SLIT3: variants seen among roughly 807,000 people sequenced by gnomAD.
SLIT3 encodes slit homolog 3 protein.
In SLIT3, 68 loss-of-function variants were observed where a neutral mutation model predicts 184.0. The ratio of observed to expected loss-of-function variants is 0.37; its 90% confidence interval spans 0.30 to 0.45. SLIT3 has a LOEUF of 0.45. Among genes scored for constraint, SLIT3 ranks in the 20% least tolerant of loss-of-function variants. The pLI is 1.00. For missense variants in SLIT3, 1,707 were observed against 2,026.0 expected, an observed-to-expected ratio of 0.84 and a Z score of 3.02; for synonymous variants, 831 against 828.6, an observed-to-expected ratio of 1.00 and a Z score of -0.05.
At chr5:169,286,771 C>A (rs2113653603) in intron 1 of SLIT3, among the ~76,000 whole-genome samples, 1 of 152,354 alleles carries the variant, frequency 6.6e-6, no homozygotes, top group South Asian at 2.1e-4. Flanking sequence ...TCACATTTGG[C>A]AAGAGGTGCT....
intron 18 of SLIT3, among the ~76,000 whole-genome samples, chr5:168,751,809 G>A (rs902439172): frequency 2.6e-5 from 4 of 151,104 alleles, no homozygotes; most frequent in Non-Finnish European, 5.9e-5. Context: ...ACAATCTCGA[G>A]TCACTGCAAC....
chr5:168,831,485 T>C (rs1396969022), intron 6 of SLIT3, among the ~76,000 whole-genome samples: 1 of 152,210 alleles, frequency 6.6e-6, no homozygotes, highest in East Asian at 1.9e-4. Flanking sequence ...CAACTGATGC[T>C]GCACTGATTA....
chr5:168,764,724 T>G (rs1470827041), intron 14 of SLIT3, among the ~76,000 whole-genome samples: 3 of 152,126 alleles, frequency 2.0e-5, no homozygotes, highest in Non-Finnish European at 4.4e-5. Flanking sequence ...TTCTCTGCTC[T>G]CTCTCCATTT....
intron 4 of SLIT3, among the ~76,000 whole-genome samples, chr5:168,957,151 C>A (rs1482297623): frequency 1.3e-5 from 2 of 151,338 alleles, no homozygotes; most frequent in East Asian, 3.9e-4. Context: ...ATCGCTGGAA[C>A]CTGGGAGGCA....
At chr5:169,162,421 T>C (rs1762510024) in intron 4 of SLIT3, among the ~76,000 whole-genome samples, 2 of 152,210 alleles carry the variant, frequency 1.3e-5, no homozygotes, top group Non-Finnish European at 2.9e-5. Flanking sequence ...CTCCAGGTTA[T>C]CAGCACAAAG....
chr5:168,801,092 C>T (rs909928388), intron 9 of SLIT3, among the ~76,000 whole-genome samples: 4 of 152,134 alleles, frequency 2.6e-5, no homozygotes, highest in South Asian at 2.1e-4. Flanking sequence ...AACAAGGATT[C>T]GAACCCCCAA....
intron 4 of SLIT3, among the ~76,000 whole-genome samples, chr5:168,935,912 A>G (rs1462513756): frequency 1.3e-5 from 2 of 152,248 alleles, no homozygotes; most frequent in African/African-American, 4.8e-5. Flanking sequence ...CAAACATTAA[A>G]GAAGCAAATC....
intron 4 of SLIT3, among the ~76,000 whole-genome samples, chr5:168,899,181 C>T (rs1453832089): frequency 2.9e-5 from 4 of 138,932 alleles, no homozygotes; most frequent in African/African-American, 1.0e-4. Flanking sequence ...CCCTTAAGAA[C>T]AGAAAACAAA....
At chr5:168,888,384 G>T (rs184333603) in intron 4 of SLIT3, among the ~76,000 whole-genome samples, 1 of 152,252 alleles carries the variant, frequency 6.6e-6, no homozygotes, top group Non-Finnish European at 1.5e-5. Flanking sequence ...TGCTGAAGAT[G>T]TTCCCAGCTA....
At chr5:169,105,731 G>A (rs1337641367) in intron 4 of SLIT3, among the ~76,000 whole-genome samples, 1 of 152,192 alleles carries the variant, frequency 6.6e-6, no homozygotes. Flanking sequence ...TCCTGCATTA[G>A]TTTGCTGAGG....
chr5:168,967,774 C>T (rs1763263827), intron 4 of SLIT3, among the ~76,000 whole-genome samples: 1 of 152,150 alleles, frequency 6.6e-6, no homozygotes, highest in Admixed American at 6.5e-5. Flanking sequence ...TCATTCCTTT[C>T]ATTGCACCTG....
chr5:169,288,544 C>T (rs1214952015), intron 1 of SLIT3, among the ~76,000 whole-genome samples: 1 of 152,058 alleles, frequency 6.6e-6, no homozygotes, highest in African/African-American at 2.4e-5. Flanking sequence ...GCATGGTAGC[C>T]TTTGCCTTGT....
chr5:169,224,041 T>A (rs2113536676), intron 3 of SLIT3, among the ~76,000 whole-genome samples: 1 of 152,330 alleles, frequency 6.6e-6, no homozygotes, highest in East Asian at 1.9e-4. Flanking sequence ...TACATCGGAT[T>A]AGGAAATGGC....
At chr5:168,685,262 A>G (rs1761709023) in intron 31 of SLIT3, among the ~76,000 whole-genome samples, 1 of 152,298 alleles carries the variant, frequency 6.6e-6, no homozygotes, top group East Asian at 1.9e-4. Flanking sequence ...GATAATTTAA[A>G]AAGTTCTCGA....
intron 4 of SLIT3, among the ~76,000 whole-genome samples, chr5:168,988,595 G>T (rs756169074): frequency 2.0e-5 from 3 of 152,054 alleles, no homozygotes; most frequent in Non-Finnish European, 4.4e-5. Flanking sequence ...GCAAAACAGG[G>T]CAGAACTCAG....
At chr5:169,126,650 C>G (rs150087682) in intron 4 of SLIT3, among the ~76,000 whole-genome samples, 1 of 152,190 alleles carries the variant, frequency 6.6e-6, no homozygotes, top group African/African-American at 2.4e-5. Flanking sequence ...TCCCTTGACA[C>G]GACAACATTA....
chr5:168,775,132 G>A (rs112163296), intron 12 of SLIT3, among the ~76,000 whole-genome samples: 1 of 151,494 alleles, frequency 6.6e-6, no homozygotes, highest in Non-Finnish European at 1.5e-5. Context: ...CCGCCTCTTG[G>A]GTTCAAGCAA....
intron 4 of SLIT3, chr5:169,018,314 G>T (rs1411916435): frequency 6.6e-6 from 1 of 152,224 alleles, no homozygotes; most frequent in East Asian, 1.9e-4. Flanking sequence ...CTTCCAGCTT[G>T]AATTTTCTGA....
chr5:169,247,697 T>G (rs11953419), intron 2 of SLIT3, among the ~76,000 whole-genome samples: 19,747 of 152,142 alleles, frequency 0.13, 2,371 homozygotes, highest in African/African-American at 0.31. Context: ...AGGTCTCACT[T>G]TGTCACCCAC....
Sources: gnomAD v4.1 joint callset for allele counts (sites outside exome capture counted in the v4.1 genomes callset) on GRCh38, gnomAD v4.1.1 for gene constraint, MANE v1.5 for transcripts, NCBI Gene and HGNC (gene_info 2026-07-23, HGNC 2026-07-21) for gene names.